The following NLN variants were observed in gnomAD, a reference collection of about 807,000 sequenced individuals.
The protein encoded by NLN is neurolysin.
In NLN, 64 loss-of-function variants were observed where a neutral mutation model predicts 79.9. The ratio of observed to expected loss-of-function variants is 0.80; its 90% CI spans 0.65 to 0.99. The LOEUF is 0.99. NLN is among the 50% of genes least tolerant of loss of function. The pLI is 0.00. For missense variants in NLN, 835 were observed against 858.7 expected (o/e 0.97, Z 0.34); for synonymous variants, 267 against 296.6 (o/e 0.90, Z 1.02).
At chr5:65,723,814 CAAAAAAAAA>C (rs760572199) in intron 1 of NLN, among the ~76,000 whole-genome samples, 5 of 55,316 alleles carry the variant, frequency 9.0e-5, no homozygotes, top group African/African-American at 2.5e-4. Context: ...GACTCCGTCT[CAAAAAAAAA>C]AAAAAAAAAA....
At chr5:65,751,900 C>T (rs1222901910) in intron 1 of NLN, among the ~76,000 whole-genome samples, 1 of 152,156 alleles carries the variant, frequency 6.6e-6, no homozygotes, top group African/African-American at 2.4e-5. Flanking sequence ...AATGCACCTT[C>T]CTGTCAATTC....
At chr5:65,799,056 A>G (rs1760227677) in intron 9 of NLN, among the ~76,000 whole-genome samples, 3 of 152,156 alleles carry the variant, frequency 2.0e-5, no homozygotes, top group South Asian at 4.2e-4. Context: ...TAATTTTTGT[A>G]TTTTTTGTAG....
At chr5:65,792,742 G>T (rs778943163) in intron 9 of NLN, 87 bp downstream of exon 9, 6 of 1,136,932 alleles carry the variant, frequency 5.3e-6, no homozygotes, top group East Asian at 2.3e-5. Context: ...CTCCTAACAG[G>T]TTTTTTCAGA....
At chr5:65,768,669 G>A (rs577874154) in intron 3 of NLN, among the ~76,000 whole-genome samples, 2 of 152,332 alleles carry the variant, frequency 1.3e-5, no homozygotes, top group East Asian at 3.9e-4. Context: ...GTGCCAGCAT[G>A]GTTGGGTTCT....
intron 3 of NLN, among the ~76,000 whole-genome samples, chr5:65,774,734 T>A (rs796678875): frequency 0.25 from 33,967 of 133,810 alleles, 4,076 homozygotes; most frequent in Non-Finnish European, 0.27. Context: ...TATATATTTT[T>A]TTTTTTTTTT....
chr5:65,798,502 G>A (rs1449680600), intron 9 of NLN, among the ~76,000 whole-genome samples: 3 of 152,098 alleles, frequency 2.0e-5, no homozygotes, highest in African/African-American at 7.2e-5. Flanking sequence ...TTATTTCTAG[G>A]TTTCCCTCTG....
Position 65,828,100 on chromosome 5 carries a change from G to A in NLN, c.*5185G>A, listed in dbSNP as rs1298705052. The A allele has an allele frequency of 6.6e-6, 1 of 152,168 alleles. No individual in the cohort carries two copies. Among genetic ancestry groups the A allele is most frequent in the Admixed American group, 6.5e-5 (1 of 15,268 alleles). 9.4% of individuals were successfully genotyped at this position (152,168 alleles called of 1,614,324 possible). Reference sequence around the variant, plus strand: ...GAAATTAGACACATTCCATTACCCAGGTAAAAGAAGGGGAAGCCTGACTTG... The same window carrying A: ...GAAATTAGACACATTCCATTACCCAAGTAAAAGAAGGGGAAGCCTGACTTG... On this transcript the variant is annotated 3_prime_UTR_variant, in exon 13 of 13. Transcript: ENST00000380985.
intron 6 of NLN, among the ~76,000 whole-genome samples, chr5:65,781,671 C>G (rs1400557965): frequency 6.6e-6 from 1 of 152,176 alleles, no homozygotes; most frequent in Non-Finnish European, 1.5e-5. Context: ...TGTTGCTCCT[C>G]TCCTAAATCA....
rs1423628538 is a variant in NLN, at chr5:65,827,108, A to G, written c.*4193A>G. ...TAAGATGTAAATATTAGACCAAAAT[A>G]GCCTTTTTTAACAAACACAATAATG... On this transcript the variant is annotated 3_prime_UTR_variant, in exon 13 of 13. Coordinates refer to ENST00000380985, the MANE Select transcript of NLN (RefSeq NM_020726.5). 1 of 151,914 alleles carries G rather than the reference A, an allele frequency of 6.6e-6. No homozygotes were observed. The highest frequency in any genetic ancestry group is 6.6e-5 in the Admixed American group (1 of 15,220). 9.4% of individuals were successfully genotyped at this position (151,914 alleles called of 1,614,324 possible). A position where few individuals can be genotyped will look rare whatever the true frequency, so the allele number is the denominator to read the frequency against.
chr5:65,790,900 T>C (rs1212796268), intron 8 of NLN, among the ~76,000 whole-genome samples: 1 of 152,212 alleles, frequency 6.6e-6, no homozygotes, highest in Non-Finnish European at 1.5e-5. Flanking sequence ...TCTTGCTACC[T>C]CATTCTGCTG....
rs145747896 is a variant in NLN, at chr5:65,774,130, T to A, written c.451-3297T>A. ...TGGGAAAATCATTTAACCTCAGTTT[T>A]CTTGTCTGTAATATGAGTATATAAT... On this transcript the variant is annotated intron_variant, in intron 3 of 12. Transcript: ENST00000380985. Among the ~76,000 whole-genome samples the A allele has an allele frequency of 5.3e-4, 80 of 151,850 alleles. No homozygotes were observed. In the East Asian group the frequency reaches 0.014, roughly 26 times the overall value.
intron 6 of NLN, among the ~76,000 whole-genome samples, chr5:65,785,037 G>T (rs1759887233): frequency 6.6e-6 from 1 of 152,110 alleles, no homozygotes; most frequent in African/African-American, 2.4e-5. Context: ...ATATTCCATT[G>T]TATATATATA....
chr5:65,764,564 A>G (rs1432907879), intron 3 of NLN, among the ~76,000 whole-genome samples: 1 of 152,196 alleles, frequency 6.6e-6, no homozygotes, highest in Non-Finnish European at 1.5e-5. Flanking sequence ...TAGTTTTGGG[A>G]TTGATCCCAC....
At position 65,792,941 on chromosome 5, in the gene NLN, T is replaced by G. The variant is rs115304132; in HGVS notation, c.1527+286T>G. The G allele has an allele frequency of 2.1e-3, 923 of 442,924 alleles. 15 individuals are homozygous for G. Among genetic ancestry groups the G allele is most frequent in the African/African-American group, 0.017 (850 of 49,022 alleles). 27.4% of individuals were successfully genotyped at this position (442,924 alleles called of 1,614,324 possible). Reference sequence around the variant, plus strand: ...GTTACAAATACTTTGCTTTTTCCTTTTAATCCTTTAGGAATTTGATATAAA... The same window carrying G: ...GTTACAAATACTTTGCTTTTTCCTTGTAATCCTTTAGGAATTTGATATAAA... On this transcript the variant is annotated intron_variant, in intron 9 of 12. Coordinates refer to ENST00000380985, the MANE Select transcript of NLN (RefSeq NM_020726.5).
Position 65,781,417 on chromosome 5 carries a change from A to G in NLN, c.818A>G (p.Lys273Arg), listed in dbSNP as rs1214640015. The change falls in exon 6 of 13, where the codon AAA (lysine) becomes AGA (arginine). Residue 273 changes from lysine (K) to arginine (R), a missense_variant. Physicochemically the swap from Lys to Arg is conservative, Grantham distance 26. Transcript: ENST00000380985. The stretch of plus-strand genomic sequence containing the variant: ...GAAATGGCTTTTAATACAAGGTGCA[A>G]AGAGGTATTATAAATGTTTGTCTTT... ...RMEMAFNTRC[K>R]EENTIILQQL... The G allele has an allele frequency of 3.8e-6, 6 of 1,595,160 alleles. No individual in the cohort carries two copies. Among genetic ancestry groups the G allele is most frequent in the Non-Finnish European group, 1.7e-6 (2 of 1,166,532 alleles).
In NLN at chr5:65,763,145, ACT is replaced by A. The variant is rs758704333; in HGVS notation, c.450+40_450+41del. 11 of 1,560,906 alleles carry A rather than the reference ACT, an allele frequency of 7.0e-6. No individual in the cohort carries two copies. The South Asian group carries it at 1.1e-4, about 16-fold the overall frequency. ...TATAAATCCCTTTAAAGAGGGAAAA[ACT>A]CTACAACAAAAAAGAACATTCAGTC... On this transcript the variant is annotated intron_variant, in intron 3 of 12. Transcript: ENST00000380985.
At chr5:65,731,742 C>CTT (rs761722243) in intron 1 of NLN, among the ~76,000 whole-genome samples, 7,755 of 61,790 alleles carry the variant, frequency 0.13, 1,916 homozygotes, top group Non-Finnish European at 0.19. Flanking sequence ...CCTACATTTT[C>CTT]TTTTTTTTTT....
In NLN at chr5:65,828,437, A is replaced by G. The variant is rs181921083; in HGVS notation, c.*5522A>G. On this transcript the variant is annotated 3_prime_UTR_variant, in exon 13 of 13. Transcript: ENST00000380985. ...TGAAAATACTTCTCAAAAGAAAAATAAAAAAGAATTAGGGAAGTTCAGTCT... is the reference window on the plus strand; with the variant it reads ...TGAAAATACTTCTCAAAAGAAAAATGAAAAAGAATTAGGGAAGTTCAGTCT... The G allele has an allele frequency of 1.3e-5, 2 of 152,370 alleles. No individual in the cohort carries two copies. The highest frequency in any genetic ancestry group is 1.9e-4 in the East Asian group (1 of 5,190). 9.4% of individuals were successfully genotyped at this position (152,370 alleles called of 1,614,324 possible). A position where few individuals can be genotyped will look rare whatever the true frequency, so the allele number is the denominator to read the frequency against.
intron 3 of NLN, among the ~76,000 whole-genome samples, chr5:65,771,520 A>C (rs1384507956): frequency 6.6e-6 from 1 of 152,218 alleles, no homozygotes; most frequent in Admixed American, 6.5e-5. Context: ...ACAGTGATCT[A>C]TTGTAATATT....
Sources: gnomAD v4.1 joint callset for allele counts (sites outside exome capture counted in the v4.1 genomes callset) on GRCh38, gnomAD v4.1.1 for gene constraint, MANE v1.5 for transcripts, NCBI Gene and HGNC (gene_info 2026-07-23, HGNC 2026-07-21) for gene names.